The following MAP7 variants were observed in gnomAD, a reference collection of about 807,000 sequenced individuals.
The protein encoded by MAP7 is ensconsin.
Under a neutral mutation model 94.8 loss-of-function variants are expected in MAP7, and 52 were observed. The ratio of observed to expected loss-of-function variants is 0.55; its 90% confidence interval spans 0.44 to 0.69. The LOEUF is 0.69. Among genes scored for constraint, MAP7 ranks in the 30% least tolerant of loss-of-function variants. The probability of loss-of-function intolerance (pLI) is 0.00; values close to 1 mark genes in which losing one functional copy is unlikely to be tolerated. For missense variants in MAP7, 940 were observed against 964.6 expected (o/e 0.97, Z 0.34); for synonymous variants, 350 against 357.0 (o/e 0.98, Z 0.22).
chr6:136,487,458 C>T (rs1815130815), intron 1 of MAP7, among the ~76,000 whole-genome samples: 1 of 152,044 alleles, frequency 6.6e-6, no homozygotes, highest in African/African-American at 2.4e-5. Flanking sequence ...CACCTGTAAT[C>T]CCAGCACTTT....
chr6:136,517,031 C>T (rs1825078221), intron 1 of MAP7, among the ~76,000 whole-genome samples: 1 of 151,946 alleles, frequency 6.6e-6, no homozygotes, highest in South Asian at 2.1e-4. Flanking sequence ...ATCACTGCTA[C>T]TGTTCCCTGA....
rs769822401 is a variant in MAP7 at position 136,377,883 on chromosome 6, A to G, written c.638-15T>C. ...CAGGCGGCGAGCTAAACGTCACCACATAAGCAAGATGTTAGAAGCATTCTT... is the reference window on the plus strand; with the variant it reads ...CAGGCGGCGAGCTAAACGTCACCACGTAAGCAAGATGTTAGAAGCATTCTT... On this transcript the variant is annotated splice_polypyrimidine_tract_variant and intron_variant, in intron 6 of 17. Coordinates refer to ENST00000354570, the MANE Select transcript of MAP7 (RefSeq NM_003980.6). The G allele has an allele frequency of 1.9e-6, 3 of 1,573,004 alleles. No homozygotes were observed. The highest frequency in any genetic ancestry group is 1.1e-5 in the South Asian group (1 of 90,220).
intron 3 of MAP7, among the ~76,000 whole-genome samples, chr6:136,401,866 A>G (rs1331921796): frequency 6.6e-6 from 1 of 152,092 alleles, no homozygotes; most frequent in Non-Finnish European, 1.5e-5. Context: ...AGCCTCTCCA[A>G]TCTTTTTACC....
Position 136,533,958 on chromosome 6 carries a change from A to AC in MAP7, c.67+16383dup, listed in dbSNP as rs1175193198. 2.6e-5 allele frequency among the ~76,000 whole-genome samples: 4 copies of AC among 152,028 alleles called. No homozygotes were observed. In the East Asian group the frequency reaches 7.7e-4, roughly 29 times the overall value. On this transcript the variant is annotated intron_variant, in intron 1 of 17. Coordinates refer to ENST00000354570, the MANE Select transcript of MAP7 (RefSeq NM_003980.6). ...CACTCTTTCCATTTCTTTCTCCTAA[A>AC]CCCCCCTGAAATTAAAAGACATCCA...
chr6:136,527,152 C>T (rs1828030083), intron 1 of MAP7, among the ~76,000 whole-genome samples: 1 of 152,150 alleles, frequency 6.6e-6, no homozygotes, highest in African/African-American at 2.4e-5. Flanking sequence ...AACACTTGAC[C>T]CAATTTTAGC....
At chr6:136,487,300 C>T (rs1815084789) in intron 1 of MAP7, among the ~76,000 whole-genome samples, 1 of 152,140 alleles carries the variant, frequency 6.6e-6, no homozygotes, top group African/African-American at 2.4e-5. Flanking sequence ...TTTGTAAACA[C>T]ACACATACGA....
At chr6:136,450,246 C>A (rs1026460298) in intron 1 of MAP7, among the ~76,000 whole-genome samples, 4 of 152,190 alleles carry the variant, frequency 2.6e-5, no homozygotes, top group Non-Finnish European at 5.9e-5. Context: ...TTCACCAACA[C>A]AATTCTAAGT....
At position 136,550,379 on chromosome 6, in the gene MAP7, G is replaced by A. The variant is rs774820808; in HGVS notation, c.30C>T (p.Gly10=). The A allele has an allele frequency of 3.3e-6, 5 of 1,529,456 alleles. No individual in the cohort carries two copies. The highest frequency in any genetic ancestry group is 4.4e-6 in the Non-Finnish European group (5 of 1,146,698). The allele number at this position is 1,529,456 out of a possible 1,614,324, so 94.7% of individuals were successfully genotyped here. The change falls in exon 1 of 18, where the codon GGC becomes GGT. Residue 10 remains glycine, a synonymous_variant. Coordinates refer to ENST00000354570, the MANE Select transcript of MAP7 (RefSeq NM_003980.6). The surrounding 1 kb of genome is among the most constrained non-coding windows in gnomAD (Gnocchi z 5.1). Reference sequence around the variant, plus strand: ...GCACTGCGCCGTCGCCGCCCCTGTGGCCGTCGCCGCCAGCTCCTAGCTCCG... The same window carrying A: ...GCACTGCGCCGTCGCCGCCCCTGTGACCGTCGCCGCCAGCTCCTAGCTCCG... The part of the protein sequence containing the change: MAELGAGGD[G]HRGGDGAVRS...
At position 136,362,673 on chromosome 6, in the gene MAP7, AGGCTGGAGCTGGGGCCAT is replaced by A. The variant is rs1793178393; in HGVS notation, c.1285_1302del (p.Met429_Ala434del). 1.1e-5 allele frequency: 17 copies of A among 1,604,334 alleles called. No individual in the cohort carries two copies. Among genetic ancestry groups the A allele is most frequent in the Non-Finnish European group, 1.4e-5 (16 of 1,176,332 alleles). ...GGGGCCGAGGCTGGAGCTGGGGCCG[AGGCTGGAGCTGGGGCCAT>A]GGCTGGAGCAGCTGCACAAATAGGT... On this transcript the variant is annotated inframe_deletion, in exon 11 of 18. Coordinates refer to ENST00000354570, the MANE Select transcript of MAP7 (RefSeq NM_003980.6).
intron 1 of MAP7, among the ~76,000 whole-genome samples, chr6:136,524,300 T>C (rs908893252): frequency 6.6e-6 from 1 of 152,182 alleles, no homozygotes; most frequent in Non-Finnish European, 1.5e-5. Flanking sequence ...TATCCTAAGT[T>C]ACTGTCCAAG....
At chr6:136,520,276 T>C (rs988285328) in intron 1 of MAP7, among the ~76,000 whole-genome samples, 3 of 151,628 alleles carry the variant, frequency 2.0e-5, no homozygotes, top group African/African-American at 4.9e-5. Flanking sequence ...TCTGGTATAC[T>C]AATAGACAAA....
At chr6:136,457,874 A>C (rs1803858334) in intron 1 of MAP7, among the ~76,000 whole-genome samples, 1 of 152,190 alleles carries the variant, frequency 6.6e-6, no homozygotes, top group Admixed American at 6.5e-5. Context: ...TATACCTTTA[A>C]GATAAGGAAC....
intron 10 of MAP7, among the ~76,000 whole-genome samples, chr6:136,363,932 C>A (rs1213936253): frequency 6.6e-6 from 1 of 152,220 alleles, no homozygotes; most frequent in South Asian, 2.1e-4. Context: ...CTTAGTAAGT[C>A]TGAGGTAAAA....
intron 16 of MAP7, among the ~76,000 whole-genome samples, chr6:136,349,126 C>T (rs994720475): frequency 2.6e-5 from 4 of 152,090 alleles, no homozygotes; most frequent in Admixed American, 6.6e-5. Context: ...GTTTCCTGTT[C>T]CAAAGCAAGT....
At chr6:136,361,707 TTC>T (rs1400691894) in intron 11 of MAP7, among the ~76,000 whole-genome samples, 1 of 152,226 alleles carries the variant, frequency 6.6e-6, no homozygotes, top group Non-Finnish European at 1.5e-5. Context: ...TATATTGACA[TTC>T]GTCTTATTAG....
Position 136,427,890 on chromosome 6 carries a change from T to A in MAP7, c.68-6091A>T, listed in dbSNP as rs147536007. Among the ~76,000 whole-genome samples, 460 of 152,312 alleles carry A rather than the reference T, an allele frequency of 3.0e-3. 3 individuals carry two copies. Among genetic ancestry groups the A allele is most frequent in the Non-Finnish European group, 4.8e-3 (327 of 68,028 alleles). ...TGAAAGTCACTTTCTGATTTCTCCATCTCGTCATAATGGAAAAAACCTTAA... is the reference window on the plus strand; with the variant it reads ...TGAAAGTCACTTTCTGATTTCTCCAACTCGTCATAATGGAAAAAACCTTAA... On this transcript the variant is annotated intron_variant, in intron 1 of 17. Coordinates refer to ENST00000354570, the MANE Select transcript of MAP7 (RefSeq NM_003980.6).
intron 1 of MAP7, among the ~76,000 whole-genome samples, chr6:136,508,821 G>T (rs558450354): frequency 3.3e-5 from 5 of 152,286 alleles, no homozygotes; most frequent in Admixed American, 6.5e-5. Flanking sequence ...TCATTAAAGT[G>T]TATCTAATCT....
chr6:136,423,826 G>A (rs1204723421), intron 1 of MAP7, among the ~76,000 whole-genome samples: 10 of 144,312 alleles, frequency 6.9e-5, no homozygotes, highest in Middle Eastern at 3.4e-3. Context: ...AGACAGTTTC[G>A]CTCTTGTTGC....
chr6:136,529,284 T>C (rs1467097974), intron 1 of MAP7, among the ~76,000 whole-genome samples: 1 of 152,010 alleles, frequency 6.6e-6, no homozygotes, highest in Non-Finnish European at 1.5e-5. Flanking sequence ...CCAGCTAATT[T>C]TTTTTTTGCA....
Sources: allele counts gnomAD v4.1 joint callset (sites outside exome capture counted in the v4.1 genomes callset), GRCh38; gene constraint gnomAD v4.1.1; non-coding constraint Gnocchi (gnomAD v3.1); transcripts MANE v1.5; gene names NCBI Gene and HGNC (gene_info 2026-07-23, HGNC 2026-07-21).